MSH3: variants seen among roughly 807,000 people sequenced by gnomAD.
MSH3 encodes the protein mutS homolog 3.
Under a neutral mutation model 123.3 loss-of-function variants are expected in MSH3, and 106 were observed. The observed-to-expected ratio is 0.86, with a 90% CI of 0.73 to 1.01. The LOEUF (loss-of-function observed/expected upper bound fraction) is 1.01. MSH3 is among the 50% of genes least tolerant of loss of function. The pLI is 0.00. For synonymous variants in MSH3, 515 were observed against 481.4 expected (o/e 1.07, Z -0.91); for missense variants, 1,459 against 1,347.6 (o/e 1.08, Z -1.29).
chr5:80,858,255 C>G (rs1745951923), intron 21 of MSH3, among the ~76,000 whole-genome samples: 1 of 151,966 alleles, frequency 6.6e-6, no homozygotes, highest in African/African-American at 2.4e-5. Flanking sequence ...CACTATGTTG[C>G]CCAGGCTGGT....
chr5:80,825,629 C>T (rs1161419593), intron 20 of MSH3, among the ~76,000 whole-genome samples: 1 of 152,090 alleles, frequency 6.6e-6, no homozygotes, highest in African/African-American at 2.4e-5. Flanking sequence ...TTGTAAGGAA[C>T]ATGTGTCTTT....
intron 20 of MSH3, among the ~76,000 whole-genome samples, chr5:80,827,985 C>T (rs1195783253): frequency 6.6e-6 from 1 of 152,166 alleles, no homozygotes; most frequent in African/African-American, 2.4e-5. Flanking sequence ...ACCACTGCCC[C>T]TGCACAGCCT....
At position 80,876,234 on chromosome 5, in the gene MSH3, G is replaced by A. The variant is rs1170424436; in HGVS notation, c.*372G>A. The A allele has an allele frequency of 7.8e-6, 2 of 257,806 alleles. No homozygotes were observed. The highest frequency in any genetic ancestry group is 1.5e-5 in the Non-Finnish European group (2 of 134,360). The allele number at this position is 257,806 out of a possible 1,614,324, so 16.0% of individuals were successfully genotyped here. A position where few individuals can be genotyped will look rare whatever the true frequency, so the allele number is the denominator to read the frequency against. On this transcript the variant is annotated 3_prime_UTR_variant, in exon 24 of 24. Coordinates refer to ENST00000265081, the MANE Select transcript of MSH3 (RefSeq NM_002439.5). The stretch of plus-strand genomic sequence containing the variant: ...ATTGGCAACTGGGTGAATCTGGCAG[G>A]AATCTATCCATTGAACTAAAATAAT...
chr5:80,686,854 G>A (rs746226142), intron 8 of MSH3, among the ~76,000 whole-genome samples: 1 of 150,966 alleles, frequency 6.6e-6, no homozygotes, highest in Non-Finnish European at 1.5e-5. Flanking sequence ...TAATTTTGAA[G>A]ACATAATATG....
chr5:80,775,648 A>G, intron 15 of MSH3, 46 bp from the exon 16 acceptor site: 2 of 1,097,192 alleles, frequency 1.8e-6, no homozygotes, highest in East Asian at 2.5e-5. Context: ...TTTAAAATAT[A>G]TAATGGTTAC....
intron 21 of MSH3, chr5:80,855,453 A>C (rs1745900173): frequency 6.6e-6 from 1 of 151,956 alleles, no homozygotes; most frequent in South Asian, 2.1e-4. Context: ...TTTCCATTTA[A>C]TTTTTTTCCA....
chr5:80,670,849 G>T (rs1426025395), intron 4 of MSH3, among the ~76,000 whole-genome samples: 1 of 152,132 alleles, frequency 6.6e-6, no homozygotes, highest in Non-Finnish European at 1.5e-5. Context: ...GCCAGGTGTG[G>T]TGGCTCATGC....
chr5:80,862,590 A>G (rs980157141), intron 21 of MSH3, among the ~76,000 whole-genome samples: 7 of 152,010 alleles, frequency 4.6e-5, no homozygotes, highest in African/African-American at 1.7e-4. Flanking sequence ...ACCCCTCTCT[A>G]CAAAAAATAA....
chr5:80,778,804 T>G lies in MSH3; in HGVS notation c.2403T>G (p.Leu801=), dbSNP rs1580045650. 1 of 1,603,044 alleles carries G rather than the reference T, an allele frequency of 6.2e-7. No individual in the cohort carries two copies. The highest frequency in any genetic ancestry group is 8.5e-7 in the Non-Finnish European group (1 of 1,169,968). ...ATCAGCTCCGGGAGCAGCTAGTCCT[T>G]GACTGCAGTGCTGAATGGCTTGATT... is the stretch of plus-strand genomic sequence containing the variant. ...HLNQLREQLV[L]DCSAEWLDFL... is the part of the protein sequence containing the mutation. The change falls in exon 17 of 24, where the codon CTT becomes CTG. Residue 801 remains leucine, a synonymous_variant. Coordinates refer to ENST00000265081, the MANE Select transcript of MSH3 (RefSeq NM_002439.5).
In MSH3 at chr5:80,729,430, A is replaced by AATATGTG. The variant is rs1491210653; in HGVS notation, c.1568+465_1568+466insATATGTG. Among the ~76,000 whole-genome samples the AATATGTG allele has an allele frequency of 6.4e-5, 5 of 78,376 alleles. No individual in the cohort carries two copies. The South Asian group carries it at 1.2e-3, about 19-fold the overall frequency. The allele number at this position is 78,376 out of a possible 152,430, so 51.4% of individuals were successfully genotyped here. ...CTCCGTCCCAAAAAAAAAAAAAAAA[A>AATATGTG]TGTGTGTGTGTGTGTGTGTGTGTGT... On this transcript the variant is annotated intron_variant, in intron 10 of 23. Coordinates refer to ENST00000265081, the MANE Select transcript of MSH3 (RefSeq NM_002439.5).
intron 20 of MSH3, among the ~76,000 whole-genome samples, chr5:80,819,466 G>A (rs13179904): frequency 4.6e-4 from 67 of 145,792 alleles, no homozygotes; most frequent in African/African-American, 1.6e-3. Flanking sequence ...GTGTGTGTGT[G>A]TATATATATA....
intron 12 of MSH3, chr5:80,746,307 T>A: frequency 3.0e-6 from 1 of 334,088 alleles, no homozygotes; most frequent in South Asian, 2.4e-5. Flanking sequence ...TTTGGAACAA[T>A]CCTTACAGTG....
chr5:80,734,929 C>G (rs1218710461), intron 10 of MSH3, among the ~76,000 whole-genome samples: 1 of 152,170 alleles, frequency 6.6e-6, no homozygotes, highest in Non-Finnish European at 1.5e-5. Flanking sequence ...AAGTTTTCCC[C>G]CTCATGTGTT....
At chr5:80,870,189 A>AG (rs1271047761) in intron 22 of MSH3, among the ~76,000 whole-genome samples, 2 of 151,544 alleles carry the variant, frequency 1.3e-5, no homozygotes, top group African/African-American at 4.9e-5. Flanking sequence ...AAAAAAAAAA[A>AG]AAAAATTCAT....
At position 80,679,013 on chromosome 5, in the gene MSH3, C is replaced by T. The variant is rs1418669713; in HGVS notation, c.1260C>T (p.Ser420=). 1.2e-6 allele frequency: 2 copies of T among 1,614,026 alleles called. No homozygotes were observed. Among genetic ancestry groups the T allele is most frequent in the African/African-American group, 1.3e-5 (1 of 74,926 alleles). ...CAGAGCTAGAAACCCGGATGTCAAG[C>T]CTGCAGCCAGTAGAGCTGCTGCTTC... ...SRSELETRMS[S]LQPVELLLPS... The change falls in exon 8 of 24, where the codon AGC becomes AGT. Residue 420 remains serine, a synonymous_variant. Coordinates refer to ENST00000265081, the MANE Select transcript of MSH3 (RefSeq NM_002439.5).
rs770190473 is a variant in MSH3 at position 80,654,803 on chromosome 5, C to T, written c.76C>T (p.Arg26Ter). The change falls in exon 1 of 24, where the codon CGA becomes TGA. Residue 26 changes from arginine (R) to a stop codon, truncating the protein, a stop_gained. Transcript: ENST00000265081. LOFTEE classifies it high-confidence loss of function. ...CCCTGCGAGGCAAGCGGTTTTGAGC[C>T]GATTCTTCCAGTCTACGGGAAGCCT... ...SAPARQAVLS[R>*]FFQSTGSLKS... 3 of 1,606,708 alleles carry T rather than the reference C, an allele frequency of 1.9e-6. No homozygotes were observed. Among genetic ancestry groups the T allele is most frequent in the African/African-American group, 1.4e-5 (1 of 73,382 alleles).
intron 20 of MSH3, among the ~76,000 whole-genome samples, chr5:80,831,978 G>A (rs1480912223): frequency 4.5e-5 from 5 of 111,914 alleles, no homozygotes; most frequent in Non-Finnish European, 9.7e-5. Flanking sequence ...GTGTGGTGGC[G>A]GGGCGCCTAT....
chr5:80,656,262 A>G (rs770145678), intron 1 of MSH3, 149 bp from the exon 2 acceptor site: 6 of 1,012,400 alleles, frequency 5.9e-6, no homozygotes, highest in South Asian at 1.4e-5. Context: ...GTTCACCCAT[A>G]GGGTTTTCCA....
At chr5:80,724,144 A>G (rs893072195) in intron 8 of MSH3, among the ~76,000 whole-genome samples, 1 of 152,234 alleles carries the variant, frequency 6.6e-6, no homozygotes, top group Non-Finnish European at 1.5e-5. Context: ...ATATTTTTAA[A>G]TAAAAATGTT....
Sources: allele counts gnomAD v4.1 joint callset (sites outside exome capture counted in the v4.1 genomes callset), GRCh38; gene constraint gnomAD v4.1.1; transcripts MANE v1.5; gene names NCBI Gene and HGNC (gene_info 2026-07-23, HGNC 2026-07-21).